HERC3: variants seen among roughly 807,000 people sequenced by gnomAD.
The protein encoded by HERC3 is HECT and RLD domain containing E3 ubiquitin protein ligase 3.
In HERC3, 58 loss-of-function variants were observed where a neutral mutation model predicts 129.9. The ratio of observed to expected loss-of-function variants is 0.45; its 90% confidence interval spans 0.36 to 0.56. The LOEUF is 0.56. Ranked by LOEUF, HERC3 falls within the 20% of genes least tolerant of loss-of-function variation. HERC3 has a pLI of 0.00. For synonymous variants in HERC3, 430 were observed against 451.0 expected (o/e 0.95, Z 0.59); for missense variants, 835 against 1,244.2 (o/e 0.67, Z 4.95).
chr4:88,638,251 A>G (rs562412918), intron 3 of HERC3, among the ~76,000 whole-genome samples: 84 of 152,306 alleles, frequency 5.5e-4, no homozygotes, highest in African/African-American at 2.0e-3. Context: ...TGAGGCTAGC[A>G]TCATCCTGAT....
intron 21 of HERC3, chr4:88,684,810 A>G (rs758454901): frequency 6.6e-6 from 1 of 152,376 alleles, no homozygotes; most frequent in Non-Finnish European, 1.5e-5. Flanking sequence ...TGGGCAAAGG[A>G]TACGAACAGA....
At position 88,657,614 on chromosome 4, in the gene HERC3, A is replaced by G. The variant is rs142884209; in HGVS notation, c.1070-801A>G. 7.9e-5 allele frequency among the ~76,000 whole-genome samples: 12 copies of G among 152,334 alleles called. No individual in the cohort carries two copies. The East Asian group carries it at 2.3e-3, about 29-fold the overall frequency. The stretch of plus-strand genomic sequence containing the variant: ...TCCATGGTCCTAAATTTGTGCTTGG[A>G]TGTTTGCCAAAATGATTTTATAACA... On this transcript the variant is annotated intron_variant, in intron 9 of 25. Transcript: ENST00000402738.
At chr4:88,654,465 A>G (rs1487238321) in intron 7 of HERC3, among the ~76,000 whole-genome samples, 1 of 146,170 alleles carries the variant, frequency 6.8e-6, no homozygotes, top group Admixed American at 6.9e-5. Context: ...GATTATATAT[A>G]TAAATATAAT....
Position 88,678,081 on chromosome 4 carries a change from G to A in HERC3, c.2143G>A (p.Ala715Thr), listed in dbSNP as rs766652989. 11 of 1,613,952 alleles carry A rather than the reference G, an allele frequency of 6.8e-6. No individual in the cohort carries two copies. The highest frequency in any genetic ancestry group is 2.2e-5 in the East Asian group (1 of 44,882). Residue 715 changes from alanine (A) to threonine (T), a missense_variant, in exon 19 of 26, where the codon GCC (alanine) becomes ACC (threonine). Coordinates refer to ENST00000402738, the MANE Select transcript of HERC3 (RefSeq NM_014606.3). ...TCGCAGGAACAACCTTGTTGGAGAT[G>A]CCCTAAGAGAGCTGAGCATTCATTC... is the stretch of plus-strand genomic sequence containing the variant. ...HVRRNNLVGD[A>T]LRELSIHSDI...
the HERC3 span, among the ~76,000 whole-genome samples, chr4:88,586,944 T>C: frequency 6.6e-6 from 1 of 152,166 alleles, no homozygotes. Context: ...TAAGATTCTG[T>C]ACAGATGGGC....
At chr4:88,547,664 G>T in the HERC3 span, among the ~76,000 whole-genome samples, 1 of 151,990 alleles carries the variant, frequency 6.6e-6, no homozygotes, top group Non-Finnish European at 1.5e-5. Flanking sequence ...TTTTTTGTTT[G>T]TTTGTTTTTG....
chr4:88,654,920 C>A (rs1434464007), intron 7 of HERC3, among the ~76,000 whole-genome samples: 3 of 152,152 alleles, frequency 2.0e-5, no homozygotes, highest in Non-Finnish European at 2.9e-5. Context: ...ATTGTACTTT[C>A]AAACGATTTT....
At chr4:88,580,858 C>T in the HERC3 span, among the ~76,000 whole-genome samples, 6 of 152,202 alleles carry the variant, frequency 3.9e-5, no homozygotes, top group East Asian at 9.7e-4. Context: ...GGCAGAGGCT[C>T]ATAATGAGGG....
At position 88,667,960 on chromosome 4, in the gene HERC3, G is replaced by C; in HGVS notation, c.1512G>C (p.Met504Ile). 2 of 1,613,462 alleles carry C rather than the reference G, an allele frequency of 1.2e-6. No individual in the cohort carries two copies. Among genetic ancestry groups the C allele is most frequent in the South Asian group, 1.1e-5 (1 of 91,046 alleles). Residue 504 changes from methionine to isoleucine, a missense_variant, in exon 14 of 26, where the codon ATG (methionine) becomes ATC (isoleucine). Physicochemically the swap from Met to Ile is conservative, Grantham distance 10 (BLOSUM62 1). Coordinates refer to ENST00000402738, the MANE Select transcript of HERC3 (RefSeq NM_014606.3). ...LSSSPPDVEA[M>I]RIYLILPEFP... ...GCTCACCACCAGATGTTGAAGCCAT[G>C]AGAATCTATTTAATACTACCTGAGT...
rs555520148 is a variant in HERC3, at chr4:88,697,880, G to A, written c.2658-6218G>A. On this transcript the variant is annotated intron_variant, in intron 23 of 25. Coordinates refer to ENST00000402738, the MANE Select transcript of HERC3 (RefSeq NM_014606.3). ...TGCGGCCGCGGGAATGACGTTGGCC[G>A]CGGCCCCGCCTCCTGCTTTCGCGGC... The A allele has an allele frequency of 9.7e-6, 13 of 1,340,982 alleles. No homozygotes were observed. The African/African-American group carries it at 1.0e-4, about 11-fold the overall frequency. 83.1% of individuals were successfully genotyped at this position (1,340,982 alleles called of 1,614,324 possible).
chr4:88,588,689 G>A (rs1560641922), upstream of HERC3, among the ~76,000 whole-genome samples: 1 of 152,058 alleles, frequency 6.6e-6, no homozygotes, highest in African/African-American at 2.4e-5. Context: ...TTGTCTGCAA[G>A]GCAAGTAAAT....
chr4:88,552,367 C>G, the HERC3 span, among the ~76,000 whole-genome samples: 1 of 152,150 alleles, frequency 6.6e-6, no homozygotes, highest in Non-Finnish European at 1.5e-5. Context: ...GTTTCCCACA[C>G]TCAGCCTCCC....
intron 3 of HERC3, among the ~76,000 whole-genome samples, chr4:88,643,694 A>G (rs981370407): frequency 4.6e-5 from 7 of 152,220 alleles, no homozygotes; most frequent in African/African-American, 1.7e-4. Context: ...CATACCTTAA[A>G]AAAAAGAACC....
chr4:88,669,206 G>C (rs1211277478), intron 14 of HERC3, among the ~76,000 whole-genome samples: 1 of 152,116 alleles, frequency 6.6e-6, no homozygotes, highest in Admixed American at 6.6e-5. Context: ...TATTTCATCT[G>C]TCCCTCGCCC....
At chr4:88,543,571 T>C in the HERC3 span, among the ~76,000 whole-genome samples, 1,906 of 152,212 alleles carry the variant, frequency 0.013, 13 homozygotes, top group Non-Finnish European at 0.02. Flanking sequence ...CTTCACAGAA[T>C]TGGAAAAAAC....
chr4:88,677,059 C>T (rs989210389), intron 18 of HERC3, among the ~76,000 whole-genome samples: 10 of 151,702 alleles, frequency 6.6e-5, no homozygotes, highest in Non-Finnish European at 8.8e-5. Context: ...CACTTGAACC[C>T]GGGATGTGGA....
intron 23 of HERC3, 92 bp from the exon 24 acceptor site, chr4:88,704,005 AT>A: frequency 8.6e-7 from 1 of 1,161,622 alleles, no homozygotes; most frequent in Non-Finnish European, 1.2e-6. Context: ...ATGAAATTCT[AT>A]TTTTTATCAC....
In HERC3 at chr4:88,605,773, A is replaced by AT. The variant is rs752894607; in HGVS notation, c.-29-15dup. ...CCTATTTCTTTTTAATTAAAAAATAATTTTTTTAAACTCTCTCCTAGGCTA... is the reference window on the plus strand; with the variant it reads ...CCTATTTCTTTTTAATTAAAAAATAATTTTTTTTAAACTCTCTCCTAGGCTA... On this transcript the variant is annotated intron_variant, in intron 2 of 25. Transcript: ENST00000402738. 5 of 1,424,268 alleles carry AT rather than the reference A, an allele frequency of 3.5e-6. No homozygotes were observed. The African/African-American group carries it at 4.3e-5, about 12-fold the overall frequency. The allele number at this position is 1,424,268 out of a possible 1,614,324, so 88.2% of individuals were successfully genotyped here.
chr4:88,680,626 A>G (rs1222624285), intron 20 of HERC3, among the ~76,000 whole-genome samples: 2 of 152,252 alleles, frequency 1.3e-5, no homozygotes, highest in Non-Finnish European at 2.9e-5. Context: ...CTTCAGTAGG[A>G]GAGCTAAGTT....
Sources: gnomAD v4.1 joint callset for allele counts (sites outside exome capture counted in the v4.1 genomes callset) on GRCh38, gnomAD v4.1.1 for gene constraint, MANE v1.5 for transcripts, NCBI Gene and HGNC (gene_info 2026-07-23, HGNC 2026-07-21) for gene names.